ECHDC2: variants seen among roughly 807,000 people sequenced by gnomAD.
ECHDC2 encodes enoyl-CoA hydratase domain-containing protein 2, mitochondrial.
A neutral mutation model predicts 40.6 loss-of-function variants in ECHDC2; 34 were observed. That is an observed-to-expected ratio of 0.84 (90% CI 0.64 to 1.11). The LOEUF is 1.11. Ranked by LOEUF, ECHDC2 falls within the 50% of genes most tolerant of loss-of-function variation. The pLI is 0.00. For synonymous variants in ECHDC2, 162 were observed against 166.6 expected, an observed-to-expected ratio of 0.97 and a Z score of 0.21; for missense variants, 392 against 400.7, an observed-to-expected ratio of 0.98 and a Z score of 0.19.
chr1:52,904,492 CTTGA>C (rs1647232315), intron 7 of ECHDC2, among the ~76,000 whole-genome samples, 150 bp downstream of exon 7: 1 of 152,202 alleles, frequency 6.6e-6, no homozygotes, highest in Non-Finnish European at 1.5e-5. Flanking sequence ...TAAAATTTGA[CTTGA>C]TTGTGTTTAC....
At position 52,905,028 on chromosome 1, in the gene ECHDC2, G is replaced by A. The variant is rs199838304; in HGVS notation, c.514+6C>T. ...GGAATTGGGCGGGTGCTGTAGTTGC[G>A]ATTACCTGCCCCCGGGAGGAGCCCT... On this transcript the variant is annotated splice_donor_region_variant and intron_variant, in intron 6 of 9. Coordinates refer to ENST00000371522, the MANE Select transcript of ECHDC2 (RefSeq NM_001198961.2). 2.5e-6 allele frequency: 4 copies of A among 1,614,190 alleles called. No homozygotes were observed. Among genetic ancestry groups the A allele is most frequent in the East Asian group, 4.5e-5 (2 of 44,886 alleles).
intron 3 of ECHDC2, among the ~76,000 whole-genome samples, chr1:52,910,354 T>TG (rs1649117741): frequency 1.1e-4 from 3 of 28,058 alleles, no homozygotes; most frequent in Non-Finnish European, 2.3e-4. Flanking sequence ...ACAATTTCGT[T>TG]TTTTTTTTTT....
At position 52,896,396 on chromosome 1, in the gene ECHDC2, TC is replaced by T; in HGVS notation, c.*123del. ...CACGCCAGTCATTTTATTTCCATCA[TC>T]ATCCTTGTGAAGAAATGGAAGTCTG... On this transcript the variant is annotated 3_prime_UTR_variant, in exon 10 of 10. Coordinates refer to ENST00000371522, the MANE Select transcript of ECHDC2 (RefSeq NM_001198961.2). 1 of 818,426 alleles carries T rather than the reference TC, an allele frequency of 1.2e-6. No individual in the cohort carries two copies. Among genetic ancestry groups the T allele is most frequent in the Admixed American group, 1.9e-5 (1 of 53,756 alleles). The allele number at this position is 818,426 out of a possible 1,614,324, so 50.7% of individuals were successfully genotyped here.
intron 4 of ECHDC2, 104 bp from the exon 5 acceptor site, chr1:52,906,715 A>C: frequency 1.3e-6 from 1 of 759,460 alleles, no homozygotes; most frequent in Admixed American, 2.9e-5. Flanking sequence ...GCCTCAGTGG[A>C]CCCAGGTCTG....
chr1:52,907,111 T>C (rs546414438), intron 4 of ECHDC2: 1 of 150,582 alleles, frequency 6.6e-6, no homozygotes, highest in South Asian at 2.1e-4. Flanking sequence ...TTTTTTTTTT[T>C]TTTGAGATGG....
intron 8 of ECHDC2, 137 bp from the exon 9 acceptor site, chr1:52,897,621 G>A (rs960579339): frequency 2.4e-6 from 2 of 828,588 alleles, no homozygotes; most frequent in Non-Finnish European, 4.1e-6. Flanking sequence ...TCCTAGAGAA[G>A]AAACACCATT....
rs571021845 is a variant in ECHDC2, at chr1:52,914,295, T to C, written c.122-2505A>G. ...ATTGGCCAGGCAAAAGATGTAAGAGTGCATGTGTGCATGTAAGTGTGCATG... is the reference window on the plus strand; with the variant it reads ...ATTGGCCAGGCAAAAGATGTAAGAGCGCATGTGTGCATGTAAGTGTGCATG... On this transcript the variant is annotated intron_variant, in intron 1 of 9. Coordinates refer to ENST00000371522, the MANE Select transcript of ECHDC2 (RefSeq NM_001198961.2). The surrounding 1 kb of genome is among the most constrained non-coding windows in gnomAD (Gnocchi z 4.0). Among the ~76,000 whole-genome samples the C allele has an allele frequency of 1.2e-4, 19 of 152,054 alleles. No homozygotes were observed. The highest frequency in any genetic ancestry group is 4.6e-4 in the African/African-American group (19 of 41,472).
In ECHDC2 at chr1:52,913,902, G is replaced by A; in HGVS notation, c.122-2112C>T. 7.9e-6 allele frequency: 9 copies of A among 1,132,440 alleles called. No homozygotes were observed. In the South Asian group the frequency reaches 1.8e-4, roughly 23 times the overall value. 70.1% of individuals were successfully genotyped at this position (1,132,440 alleles called of 1,614,324 possible). A position where few individuals can be genotyped will look rare whatever the true frequency, so the allele number is the denominator to read the frequency against. Reference sequence around the variant, plus strand: ...CATTCTCCTTCCTCCTACCTTTCAGGTGATGCCTCTGCACTCCTTCACTGC... The same window carrying A: ...CATTCTCCTTCCTCCTACCTTTCAGATGATGCCTCTGCACTCCTTCACTGC... On this transcript the variant is annotated intron_variant, in intron 1 of 9. Transcript: ENST00000371522.
chr1:52,912,282 A>T (rs1329744039), intron 1 of ECHDC2: 1 of 155,404 alleles, frequency 6.4e-6, no homozygotes, highest in African/African-American at 2.5e-5. Flanking sequence ...AACATGGCTC[A>T]CTGTAGCCTC....
chr1:52,917,236 AAAG>A (rs1406454764), intron 1 of ECHDC2, among the ~76,000 whole-genome samples: 1 of 151,944 alleles, frequency 6.6e-6, no homozygotes, highest in Non-Finnish European at 1.5e-5. Context: ...AAAAAAAAAA[AAAG>A]AAACCACTGA....
chr1:52,916,307 C>T (rs1320983990), intron 1 of ECHDC2, among the ~76,000 whole-genome samples: 1 of 152,140 alleles, frequency 6.6e-6, no homozygotes, highest in Non-Finnish European at 1.5e-5. Context: ...TCTTTCCTTC[C>T]ATTCTCTCTG....
chr1:52,918,478 CT>C (rs1390458536), intron 1 of ECHDC2, among the ~76,000 whole-genome samples: 1 of 152,224 alleles, frequency 6.6e-6, no homozygotes, highest in East Asian at 1.9e-4. Context: ...GTTATCGCCC[CT>C]GAAGACCTTC....
At chr1:52,920,540 G>A (rs1651644080) in intron 1 of ECHDC2, 1 of 1,502,218 alleles carries the variant, frequency 6.7e-7, no homozygotes, top group Non-Finnish European at 9.2e-7. Flanking sequence ...TAAAATGGAA[G>A]GCCACGGGGA....
intron 7 of ECHDC2, chr1:52,900,087 A>G (rs1275338645): frequency 6.6e-6 from 1 of 152,178 alleles, no homozygotes; most frequent in Non-Finnish European, 1.5e-5. Flanking sequence ...CTTTTAAACC[A>G]TTTACAAAAG....
rs78566762 is a variant in ECHDC2, at chr1:52,918,990, G to A, written c.121+2563C>T. Reference sequence around the variant, plus strand: ...ACCACCTGAGTTCCACCTCCTATCAGATCAGTGGTGGCATTAGAATCTCAT... The same window carrying A: ...ACCACCTGAGTTCCACCTCCTATCAAATCAGTGGTGGCATTAGAATCTCAT... On this transcript the variant is annotated intron_variant, in intron 1 of 9. Transcript: ENST00000371522. Among the ~76,000 whole-genome samples, 398 of 152,282 alleles carry A rather than the reference G, an allele frequency of 2.6e-3. 1 individual carries two copies. The highest frequency in any genetic ancestry group is 6.6e-3 in the African/African-American group (276 of 41,552).
chr1:52,907,492 G>A (rs1035302854), intron 4 of ECHDC2: 10 of 203,436 alleles, frequency 4.9e-5, no homozygotes, highest in Non-Finnish European at 7.8e-5. Flanking sequence ...GGTGGGTTGG[G>A]AAGGCTTCCT....
At chr1:52,901,617 C>G (rs1298135818) in intron 7 of ECHDC2, 1 of 152,104 alleles carries the variant, frequency 6.6e-6, no homozygotes, top group Non-Finnish European at 1.5e-5. Context: ...ATCCGGAAAC[C>G]TTTATTCTGA....
chr1:52,903,550 G>A (rs1647130671), intron 7 of ECHDC2, among the ~76,000 whole-genome samples: 1 of 151,916 alleles, frequency 6.6e-6, no homozygotes, highest in African/African-American at 2.4e-5. Context: ...ATGGGTTCAA[G>A]CAATGCTTTT....
At chr1:52,917,530 CAG>C (rs1391891871) in intron 1 of ECHDC2, 1 of 455,720 alleles carries the variant, frequency 2.2e-6, no homozygotes, top group Non-Finnish European at 4.4e-6. Context: ...GAGCAAAACA[CAG>C]AGGTAACACA....
Sources: allele counts gnomAD v4.1 joint callset (sites outside exome capture counted in the v4.1 genomes callset), GRCh38; gene constraint gnomAD v4.1.1; non-coding constraint Gnocchi (gnomAD v3.1); transcripts MANE v1.5; gene names NCBI Gene and HGNC (gene_info 2026-07-23, HGNC 2026-07-21).